Variants in RIC3 observed in about 807,000 individuals in gnomAD.
RIC3 encodes RIC3 acetylcholine receptor chaperone, also known as protein RIC-3.
In RIC3, 28 loss-of-function variants were observed where a neutral mutation model predicts 27.3. That is an observed-to-expected ratio of 1.02 (90% CI 0.76 to 1.41). RIC3 has a LOEUF of 1.41. Among genes scored for constraint, RIC3 ranks in the 40% most tolerant of loss-of-function variants. The pLI is 0.00. For missense variants in RIC3, 501 were observed against 444.7 expected (o/e 1.13, Z -1.14); for synonymous variants, 184 against 160.4 (o/e 1.15, Z -1.11).
intron 1 of RIC3, among the ~76,000 whole-genome samples, chr11:8,163,298 C>T (rs915285261): frequency 6.6e-6 from 1 of 152,074 alleles, no homozygotes. Flanking sequence ...ACTTCCTCAA[C>T]CTGAAAACAG....
chr11:8,162,792 T>C (rs1951304397), intron 1 of RIC3, among the ~76,000 whole-genome samples: 1 of 151,756 alleles, frequency 6.6e-6, no homozygotes, highest in African/African-American at 2.4e-5. Flanking sequence ...ATTACAGGCG[T>C]GCACCATCAG....
At chr11:8,147,803 T>C (rs554357776) in intron 1 of RIC3, among the ~76,000 whole-genome samples, 10 of 150,762 alleles carry the variant, frequency 6.6e-5, no homozygotes, top group East Asian at 2.0e-4. Flanking sequence ...TCTCGGCTCA[T>C]TGCAACCTCC....
intron 5 of RIC3, among the ~76,000 whole-genome samples, chr11:8,121,793 C>T (rs546268674): frequency 1.3e-5 from 2 of 152,252 alleles, no homozygotes; most frequent in Non-Finnish European, 2.9e-5. Context: ...GTCTTTTAAA[C>T]TGTGTGATAT....
intron 1 of RIC3, among the ~76,000 whole-genome samples, chr11:8,158,285 C>A (rs1167471476): frequency 6.6e-6 from 1 of 152,084 alleles, no homozygotes; most frequent in Non-Finnish European, 1.5e-5. Flanking sequence ...TGTGCTATTC[C>A]ACAGGAACAG....
chr11:8,101,420 A>G (rs1176502751), downstream of RIC3: 13 of 1,598,462 alleles, frequency 8.1e-6, no homozygotes, highest in Admixed American at 1.7e-4. Flanking sequence ...GTGTCTGTCT[A>G]TCCTTCCCTG....
At chr11:8,101,558 G>C, downstream of RIC3, 1 of 1,614,236 alleles carries the variant, frequency 6.2e-7, no homozygotes, top group Non-Finnish European at 8.5e-7. Context: ...TACCCGCTGT[G>C]TGCACTGCAG....
the RIC3 span, chr11:8,100,387 A>G: frequency 2.5e-6 from 2 of 797,508 alleles, no homozygotes; most frequent in Admixed American, 4.1e-5. Flanking sequence ...GATGTGTGTT[A>G]GACTTCGGAG....
Position 8,137,459 on chromosome 11 carries a change from A to G in RIC3, c.440T>C (p.Leu147Pro). 6.2e-7 allele frequency: 1 copy of G among 1,613,930 alleles called. No homozygotes were observed. The highest frequency in any genetic ancestry group is 8.5e-7 in the Non-Finnish European group (1 of 1,180,018). ...CTTCAGTTTTTCTTGCAGTTGAGCA[A>G]GCTCAAAACTGGCTAAAAAATAAGC... The part of the protein sequence containing the change: ...NTHRKITSFE[L>P]AQLQEKLKET... The change falls in exon 4 of 6, where the codon CTT becomes CCT. Residue 147 changes from leucine (L) to proline (P), a missense_variant. Transcript: ENST00000309737.
the RIC3 span, chr11:8,094,021 C>G: frequency 1.2e-6 from 2 of 1,614,066 alleles, no homozygotes; most frequent in Non-Finnish European, 8.5e-7. Context: ...TTCTCTCTCT[C>G]CATCTGGGGA....
chr11:8,133,603 T>C (rs1948003715), intron 4 of RIC3, among the ~76,000 whole-genome samples: 1 of 152,138 alleles, frequency 6.6e-6, no homozygotes, highest in Non-Finnish European at 1.5e-5. Flanking sequence ...ATCAATATGT[T>C]CCCAAGAAGT....
chr11:8,104,863 A>AAGAGAACTTTCGGAGCCTGCCTCCTTC (rs1564932884), downstream of RIC3: 1 of 152,142 alleles, frequency 6.6e-6, no homozygotes, highest in Non-Finnish European at 1.5e-5. Context: ...CAGAAGCTAT[A>AAGAGAACTTTCGGAGCCTGCCTCCTTC]AGAGAACTTT....
chr11:8,100,165 C>T, the RIC3 span, among the ~76,000 whole-genome samples: 990 of 152,216 alleles, frequency 6.5e-3, 16 homozygotes, highest in African/African-American at 0.022. Context: ...TGGTGGAAGT[C>T]TGGGTATAAT....
intron 2 of RIC3, 166 bp downstream of exon 2, chr11:8,139,801 T>G: frequency 1.5e-6 from 1 of 650,808 alleles, no homozygotes; most frequent in Non-Finnish European, 2.6e-6. Flanking sequence ...TATGTGAAAC[T>G]GAAATAATGG....
At chr11:8,112,289 CTTTT>C (rs1564961684) in intron 5 of RIC3, among the ~76,000 whole-genome samples, 4 of 135,240 alleles carry the variant, frequency 3.0e-5, no homozygotes, top group African/African-American at 1.1e-4. Flanking sequence ...CTTTTCTTTT[CTTTT>C]CTTTTTTTTT....
the RIC3 span, among the ~76,000 whole-genome samples, chr11:8,095,859 T>G: frequency 6.6e-6 from 1 of 152,218 alleles, no homozygotes; most frequent in Non-Finnish European, 1.5e-5. Context: ...AGGCCCTGAT[T>G]TGGGGGCAGA....
At chr11:8,099,919 C>T in the RIC3 span, among the ~76,000 whole-genome samples, 14 of 152,188 alleles carry the variant, frequency 9.2e-5, no homozygotes, top group Admixed American at 2.0e-4. Context: ...AGAGGAAGGT[C>T]ATGGGGCCAC....
At chr11:8,097,195 T>C in the RIC3 span, 2 of 1,612,082 alleles carry the variant, frequency 1.2e-6, no homozygotes, top group South Asian at 2.2e-5. Flanking sequence ...TTAGGGTCCT[T>C]GGGGCTCAGG....
intron 1 of RIC3, among the ~76,000 whole-genome samples, chr11:8,167,984 G>A (rs1388558938): frequency 1.3e-5 from 2 of 152,198 alleles, no homozygotes; most frequent in South Asian, 4.1e-4. Flanking sequence ...GCAGACGGAA[G>A]TGGATTACAG....
chr11:8,137,355 A>C, intron 4 of RIC3, 23 bp downstream of exon 4: 1 of 1,589,332 alleles, frequency 6.3e-7, no homozygotes, highest in Non-Finnish European at 8.6e-7. Context: ...AAATAGTCTG[A>C]GTCCCGTTAC....
Sources: allele counts gnomAD v4.1 joint callset (sites outside exome capture counted in the v4.1 genomes callset), GRCh38; gene constraint gnomAD v4.1.1; transcripts MANE v1.5; gene names NCBI Gene and HGNC (gene_info 2026-07-23, HGNC 2026-07-21).